The following ANGPT1 variants were observed in gnomAD, a reference collection of about 807,000 sequenced individuals.
The protein encoded by ANGPT1 is angiopoietin 1.
ANGPT1 carries 17 observed loss-of-function variants against 62.2 expected under a neutral mutation model. The ratio of observed to expected loss-of-function variants is 0.27; its 90% CI spans 0.19 to 0.41. The LOEUF is 0.41. Ranked by LOEUF, ANGPT1 falls within the 10% of genes least tolerant of loss-of-function variation. ANGPT1 has a pLI of 1.00. For missense variants in ANGPT1, 478 were observed against 594.9 expected (o/e 0.80, Z 2.04); for synonymous variants, 199 against 198.9 (o/e 1.00, Z 0.00).
At chr8:107,415,908 T>G (rs187578516) in intron 1 of ANGPT1, among the ~76,000 whole-genome samples, 1 of 152,070 alleles carries the variant, frequency 6.6e-6, no homozygotes, top group African/African-American at 2.4e-5. Context: ...AGAAGTAAAG[T>G]GAAGAAAGGG....
chr8:107,282,963 C>T (rs933320090), intron 7 of ANGPT1, among the ~76,000 whole-genome samples: 15 of 151,482 alleles, frequency 9.9e-5, no homozygotes, highest in Admixed American at 3.3e-4. Context: ...CACTCTGTCC[C>T]GCAACACCCT....
rs573073081 is a variant in ANGPT1 at position 107,341,237 on chromosome 8, C to T, written c.454-4966G>A. 2.0e-5 allele frequency among the ~76,000 whole-genome samples: 3 copies of T among 152,254 alleles called. No individual in the cohort carries two copies. In the South Asian group the frequency reaches 6.2e-4, roughly 32 times the overall value. On this transcript the variant is annotated intron_variant, in intron 2 of 8. Coordinates refer to ENST00000517746, the MANE Select transcript of ANGPT1 (RefSeq NM_001146.5). ...ACCTCTGCCACAATATTCCATTCAA[C>T]CTAAACCAGTCTTTAGACTCAACTT... is the stretch of plus-strand genomic sequence containing the variant.
intron 1 of ANGPT1, among the ~76,000 whole-genome samples, chr8:107,453,618 G>A (rs1295673630): frequency 1.3e-5 from 2 of 152,036 alleles, no homozygotes; most frequent in Non-Finnish European, 2.9e-5. Context: ...AATTCAAGAA[G>A]AGATTTGGGT....
intron 1 of ANGPT1, among the ~76,000 whole-genome samples, chr8:107,350,467 T>A (rs1300907986): frequency 6.6e-6 from 1 of 152,138 alleles, no homozygotes; most frequent in East Asian, 1.9e-4. Context: ...GGTGGCTACA[T>A]CAAGGTTCAG....
In ANGPT1 at chr8:107,352,321, T is replaced by C. The variant is rs114986880; in HGVS notation, c.298-5224A>G. On this transcript the variant is annotated intron_variant, in intron 1 of 8. Coordinates refer to ENST00000517746, the MANE Select transcript of ANGPT1 (RefSeq NM_001146.5). ...CCATGGTGAGAAGGCAAATATCCAGTCAACTGTATGAAAAGTCTTAGTATT... is the reference window on the plus strand; with the variant it reads ...CCATGGTGAGAAGGCAAATATCCAGCCAACTGTATGAAAAGTCTTAGTATT... Among the ~76,000 whole-genome samples, 252 of 152,276 alleles carry C rather than the reference T, an allele frequency of 1.7e-3. 2 individuals are homozygous for C. In the Middle Eastern group the frequency reaches 0.02, roughly 12 times the overall value.
chr8:107,410,902 G>A lies in ANGPT1; in HGVS notation c.298-63805C>T, dbSNP rs1186850736. Among the ~76,000 whole-genome samples the A allele has an allele frequency of 2.0e-5, 3 of 151,988 alleles. No homozygotes were observed. The East Asian group carries it at 5.8e-4, about 29-fold the overall frequency. On this transcript the variant is annotated intron_variant, in intron 1 of 8. Coordinates refer to ENST00000517746, the MANE Select transcript of ANGPT1 (RefSeq NM_001146.5). ...TTACTTAGTATTATTAAGCTCTTGA[G>A]CTTCATAAAATGTTACATAACTGTT...
intron 1 of ANGPT1, among the ~76,000 whole-genome samples, chr8:107,387,403 G>A (rs1283707): frequency 0.48 from 72,337 of 151,788 alleles, 19,086 homozygotes; most frequent in Non-Finnish European, 0.59. Context: ...AGGCCAAAAT[G>A]CTAGCAAGTA....
At chr8:107,475,316 C>CA (rs1812488301) in intron 1 of ANGPT1, among the ~76,000 whole-genome samples, 1 of 152,082 alleles carries the variant, frequency 6.6e-6, no homozygotes, top group Admixed American at 6.6e-5. Context: ...ATAAACCTGA[C>CA]AAAAACAAGA....
intron 4 of ANGPT1, among the ~76,000 whole-genome samples, chr8:107,320,208 T>C (rs1330683693): frequency 2.0e-5 from 3 of 152,152 alleles, no homozygotes; most frequent in Non-Finnish European, 4.4e-5. Flanking sequence ...TTCCCTGATA[T>C]TGCGCCCAAA....
At chr8:107,293,431 T>C (rs934935196) in intron 6 of ANGPT1, among the ~76,000 whole-genome samples, 7 of 152,194 alleles carry the variant, frequency 4.6e-5, no homozygotes, top group African/African-American at 1.2e-4. Flanking sequence ...CTTTGGAGGA[T>C]GACAAGTGCT....
intron 1 of ANGPT1, among the ~76,000 whole-genome samples, chr8:107,365,939 C>G (rs1024170239): frequency 2.0e-5 from 3 of 151,100 alleles, no homozygotes; most frequent in Non-Finnish European, 2.9e-5. Context: ...TTAAAAAATA[C>G]TAAATCCAAT....
chr8:107,262,496 G>A (rs1183826915), intron 8 of ANGPT1, among the ~76,000 whole-genome samples: 1 of 152,304 alleles, frequency 6.6e-6, no homozygotes, highest in Middle Eastern at 3.4e-3. Flanking sequence ...ACATAGAGAT[G>A]AGTTTCTCTC....
intron 3 of ANGPT1, among the ~76,000 whole-genome samples, chr8:107,328,246 C>T (rs1258155804): frequency 6.6e-6 from 1 of 151,994 alleles, no homozygotes; most frequent in East Asian, 1.9e-4. Context: ...TAATTTTTCT[C>T]CCCATTTAAA....
At chr8:107,314,130 G>A (rs891405751) in intron 4 of ANGPT1, among the ~76,000 whole-genome samples, 3 of 152,202 alleles carry the variant, frequency 2.0e-5, no homozygotes, top group African/African-American at 7.2e-5. Flanking sequence ...TTAATTGAAA[G>A]TCTATTCAAA....
At chr8:107,357,093 GC>G (rs1427954250) in intron 1 of ANGPT1, among the ~76,000 whole-genome samples, 4 of 151,984 alleles carry the variant, frequency 2.6e-5, no homozygotes, top group African/African-American at 9.7e-5. Flanking sequence ...TCATTTCATT[GC>G]AGTTTATTTT....
intron 1 of ANGPT1, among the ~76,000 whole-genome samples, chr8:107,461,061 G>A (rs1171495760): frequency 6.6e-6 from 1 of 152,028 alleles, no homozygotes. Context: ...CATCTTTATG[G>A]AAAGATAATT....
In ANGPT1 at chr8:107,285,195, T is replaced by C. The variant is rs968517364; in HGVS notation, c.1039-347A>G. Among the ~76,000 whole-genome samples, 4 of 152,118 alleles carry C rather than the reference T, an allele frequency of 2.6e-5. No homozygotes were observed. In the East Asian group the frequency reaches 5.8e-4, roughly 22 times the overall value. On this transcript the variant is annotated intron_variant, in intron 6 of 8. Coordinates refer to ENST00000517746, the MANE Select transcript of ANGPT1 (RefSeq NM_001146.5). ...TTCTAAATTACTAGTTAACAAAATATTTTGAATAGAGTTTAAAGATTTTTC... is the reference window on the plus strand; with the variant it reads ...TTCTAAATTACTAGTTAACAAAATACTTTGAATAGAGTTTAAAGATTTTTC...
At chr8:107,281,899 T>C (rs544314516) in intron 7 of ANGPT1, among the ~76,000 whole-genome samples, 2 of 151,988 alleles carry the variant, frequency 1.3e-5, no homozygotes, top group African/African-American at 2.4e-5. Context: ...CTTGAAACAA[T>C]TGATCACAAA....
intron 7 of ANGPT1, among the ~76,000 whole-genome samples, chr8:107,273,272 G>C (rs1813782705): frequency 6.6e-6 from 1 of 152,068 alleles, no homozygotes; most frequent in Non-Finnish European, 1.5e-5. Flanking sequence ...AGAGAGGAGA[G>C]GGTAAGCAAA....
Sources: allele counts gnomAD v4.1 joint callset (sites outside exome capture counted in the v4.1 genomes callset), GRCh38; gene constraint gnomAD v4.1.1; transcripts MANE v1.5; gene names NCBI Gene and HGNC (gene_info 2026-07-23, HGNC 2026-07-21).